NBEA: variants seen among roughly 807,000 people sequenced by gnomAD.
NBEA encodes the protein lysosomal-trafficking regulator 2.
Under a neutral mutation model 343.4 loss-of-function variants are expected in NBEA, and 44 were observed. The ratio of observed to expected loss-of-function variants is 0.13; its 90% confidence interval spans 0.10 to 0.16. The LOEUF (loss-of-function observed/expected upper bound fraction) is 0.16, where lower values mean the gene tolerates loss of function less well. Ranked by LOEUF, NBEA falls within the 10% of genes least tolerant of loss-of-function variation. The pLI, the probability that NBEA is intolerant of heterozygous loss-of-function variation, is 1.00. For synonymous variants in NBEA, 1,175 were observed against 1,238.7 expected, an observed-to-expected ratio of 0.95 and a Z score of 1.08; for missense variants, 2,555 against 3,631.3, an observed-to-expected ratio of 0.70 and a Z score of 7.62.
chr13:35,546,190 A>C (rs2079049296), intron 41 of NBEA, among the ~76,000 whole-genome samples: 1 of 152,250 alleles, frequency 6.6e-6, no homozygotes, highest in Non-Finnish European at 1.5e-5. Context: ...TAAGAAAATT[A>C]ATCATTTTCA....
intron 45 of NBEA, among the ~76,000 whole-genome samples, chr13:35,580,280 C>T (rs908096950): frequency 1.3e-5 from 2 of 152,026 alleles, no homozygotes; most frequent in Non-Finnish European, 2.9e-5. Context: ...TTAAAAAGTG[C>T]GGAAGTCACT....
At chr13:35,298,207 G>A (rs2036274253) in intron 35 of NBEA, among the ~76,000 whole-genome samples, 1 of 16,140 alleles carries the variant, frequency 6.2e-5, no homozygotes, top group African/African-American at 1.0e-4. Context: ...GTGTGTGTGT[G>A]TGTGTATATA....
intron 43 of NBEA, among the ~76,000 whole-genome samples, chr13:35,552,353 T>C (rs2079367835): frequency 6.6e-6 from 1 of 152,204 alleles, no homozygotes. Flanking sequence ...AAGCTTACAG[T>C]GTAAGACCAA....
At chr13:35,202,504 G>C (rs2073091304) in intron 31 of NBEA, among the ~76,000 whole-genome samples, 1 of 152,092 alleles carries the variant, frequency 6.6e-6, no homozygotes, top group Non-Finnish European at 1.5e-5. Flanking sequence ...CTTATCTTCA[G>C]TATCTCCGTT....
intron 1 of NBEA, among the ~76,000 whole-genome samples, chr13:34,987,736 A>C (rs1277014061): frequency 6.6e-6 from 1 of 150,830 alleles, no homozygotes; most frequent in Non-Finnish European, 1.5e-5. Context: ...GCTTTATTTC[A>C]TTAATTTGAT....
chr13:35,257,306 A>ATTTGGATG (rs2152794590), intron 34 of NBEA, among the ~76,000 whole-genome samples: 1 of 152,268 alleles, frequency 6.6e-6, no homozygotes, highest in Non-Finnish European at 1.5e-5. Context: ...TTGGATGCTA[A>ATTTGGATG]CTGTTCTGAA....
At chr13:35,411,044 T>C (rs1313285063) in intron 38 of NBEA, among the ~76,000 whole-genome samples, 1 of 152,188 alleles carries the variant, frequency 6.6e-6, no homozygotes, top group Non-Finnish European at 1.5e-5. Context: ...CCATGACCTT[T>C]GCTCTTGACC....
chr13:35,507,763 A>C (rs541299055), intron 41 of NBEA, among the ~76,000 whole-genome samples: 4 of 152,132 alleles, frequency 2.6e-5, no homozygotes, highest in African/African-American at 4.8e-5. Flanking sequence ...TCTTCTGGGT[A>C]TTCTTTAATT....
intron 1 of NBEA, among the ~76,000 whole-genome samples, chr13:34,994,246 A>G (rs2060864677): frequency 6.6e-6 from 1 of 151,544 alleles, no homozygotes; most frequent in South Asian, 2.1e-4. Context: ...GAAAAAAGTA[A>G]ATAAATGGAG....
chr13:35,249,153 A>G (rs75029032), intron 34 of NBEA, among the ~76,000 whole-genome samples: 1 of 139,160 alleles, frequency 7.2e-6, no homozygotes, highest in Admixed American at 7.2e-5. Flanking sequence ...CCATCTTACA[A>G]AAAAAAAAAA....
At chr13:35,414,018 A>G (rs1441376690) in intron 38 of NBEA, among the ~76,000 whole-genome samples, 1 of 152,130 alleles carries the variant, frequency 6.6e-6, no homozygotes, top group African/African-American at 2.4e-5. Context: ...CAGTAGCATA[A>G]GTGGCTCCTG....
At position 35,476,557 on chromosome 13, in the gene NBEA, G is replaced by T. The variant is rs2075882236; in HGVS notation, c.6585+4021G>T. The T allele has an allele frequency of 6.9e-6, 4 of 580,560 alleles. No individual in the cohort carries two copies. In the South Asian group the frequency reaches 8.1e-5, roughly 12 times the overall value. The allele number at this position is 580,560 out of a possible 1,614,324, so 36.0% of individuals were successfully genotyped here. A position where few individuals can be genotyped will look rare whatever the true frequency, so the allele number is the denominator to read the frequency against. On this transcript the variant is annotated intron_variant, in intron 41 of 58. Coordinates refer to ENST00000379939, the MANE Select transcript of NBEA (RefSeq NM_001385012.1). ...GTAGTCAAAATAAGCACCCCTTTCCGTATTTATTTGCGCTTTCCCGTAATC... is the reference window on the plus strand; with the variant it reads ...GTAGTCAAAATAAGCACCCCTTTCCTTATTTATTTGCGCTTTCCCGTAATC...
chr13:35,223,223 GATTT>G (rs1274616880), intron 33 of NBEA, among the ~76,000 whole-genome samples: 1 of 152,006 alleles, frequency 6.6e-6, no homozygotes, highest in Admixed American at 6.6e-5. Flanking sequence ...GCATTTTATA[GATTT>G]ATTTATCTTT....
chr13:35,489,959 G>C (rs1348654024), intron 41 of NBEA, among the ~76,000 whole-genome samples: 4 of 151,906 alleles, frequency 2.6e-5, no homozygotes, highest in African/African-American at 9.7e-5. Context: ...TGTCCTAGCA[G>C]TGTTGAAAAT....
intron 10 of NBEA, among the ~76,000 whole-genome samples, chr13:35,094,087 T>A (rs1018935467): frequency 6.6e-6 from 1 of 151,942 alleles, no homozygotes; most frequent in Non-Finnish European, 1.5e-5. Flanking sequence ...TTTTTATACT[T>A]CTTAAAACTA....
intron 1 of NBEA, among the ~76,000 whole-genome samples, chr13:34,960,767 G>C (rs1234859544): frequency 6.6e-6 from 1 of 152,010 alleles, no homozygotes; most frequent in Non-Finnish European, 1.5e-5. Flanking sequence ...ATCTAAGTTT[G>C]TCTAAGTACA....
intron 36 of NBEA, among the ~76,000 whole-genome samples, chr13:35,347,664 T>C (rs1206641744): frequency 6.6e-6 from 1 of 152,074 alleles, no homozygotes; most frequent in Admixed American, 6.6e-5. Flanking sequence ...AATATTATCT[T>C]CCCCTCCTCT....
chr13:35,153,015 C>T (rs1281996659), intron 18 of NBEA, among the ~76,000 whole-genome samples: 1 of 149,304 alleles, frequency 6.7e-6, no homozygotes, highest in Non-Finnish European at 1.5e-5. Context: ...CCCTTTCTCC[C>T]TTTTTAAACT....
At chr13:35,348,460 T>G (rs1376731829) in intron 36 of NBEA, among the ~76,000 whole-genome samples, 4 of 152,086 alleles carry the variant, frequency 2.6e-5, no homozygotes, top group African/African-American at 9.7e-5. Flanking sequence ...AAAATGTTAC[T>G]ACACATTTTA....
Sources: allele counts gnomAD v4.1 joint callset (sites outside exome capture counted in the v4.1 genomes callset), GRCh38; gene constraint gnomAD v4.1.1; transcripts MANE v1.5; gene names NCBI Gene and HGNC (gene_info 2026-07-23, HGNC 2026-07-21).